RTN4R: variants seen among roughly 807,000 people sequenced by gnomAD.
The protein encoded by RTN4R is reticulon 4 receptor.
RTN4R carries 4 observed loss-of-function variants against 27.7 expected under a neutral mutation model. The observed-to-expected ratio is 0.14, with a 90% CI of 0.07 to 0.33. RTN4R has a LOEUF of 0.33. Among genes scored for constraint, RTN4R ranks in the 10% least tolerant of loss-of-function variants. RTN4R has a pLI of 1.00. For missense variants in RTN4R, 554 were observed against 671.5 expected (o/e 0.83, Z 1.93); for synonymous variants, 290 against 305.6 (o/e 0.95, Z 0.53).
intron 1 of RTN4R, among the ~76,000 whole-genome samples, chr22:20,256,699 G>C (rs765133171): frequency 1.3e-5 from 2 of 152,306 alleles, no homozygotes; most frequent in East Asian, 3.9e-4. Context: ...GCCATGCCCC[G>C]TCCCGCTCAC....
chr22:20,266,826 G>C (rs144589716), intron 1 of RTN4R, among the ~76,000 whole-genome samples: 1 of 152,242 alleles, frequency 6.6e-6, no homozygotes, highest in East Asian at 1.9e-4. Flanking sequence ...CTATGTGCCC[G>C]CAGGCACACA....
chr22:20,260,313 C>T (rs184531637), intron 1 of RTN4R, among the ~76,000 whole-genome samples: 2 of 152,260 alleles, frequency 1.3e-5, no homozygotes, highest in African/African-American at 4.8e-5. Flanking sequence ...CTGGGCAGGG[C>T]GTGACCGGCC....
intron 1 of RTN4R, among the ~76,000 whole-genome samples, chr22:20,260,518 C>T (rs928149398): frequency 6.6e-5 from 10 of 152,270 alleles, no homozygotes; most frequent in Non-Finnish European, 8.8e-5. Flanking sequence ...GCACATCCTG[C>T]GTGACCTTGG....
At chr22:20,267,329 G>A (rs374735551) in intron 1 of RTN4R, among the ~76,000 whole-genome samples, 1 of 151,574 alleles carries the variant, frequency 6.6e-6, no homozygotes, top group African/African-American at 2.4e-5. Flanking sequence ...CTCCAGGCGG[G>A]GCATGCCCAA....
rs956671360 is a variant in RTN4R at position 20,268,117 on chromosome 22, G to A, written c.-25C>T. ...TCGTAGGGGTTGGGCGGGGCGCGTC[G>A]GGGACTGAAAGTCGTTTCGGGGCGG... On this transcript the variant is annotated 5_prime_UTR_variant, in exon 1 of 2. Coordinates refer to ENST00000043402, the MANE Select transcript of RTN4R (RefSeq NM_023004.6). The A allele has an allele frequency of 8.6e-6, 10 of 1,162,404 alleles. No homozygotes were observed. In the Admixed American group the frequency reaches 1.8e-4, roughly 21 times the overall value. 72.0% of individuals were successfully genotyped at this position (1,162,404 alleles called of 1,614,324 possible).
At chr22:20,266,885 C>A (rs1297437434) in intron 1 of RTN4R, among the ~76,000 whole-genome samples, 2 of 152,252 alleles carry the variant, frequency 1.3e-5, no homozygotes, top group African/African-American at 2.4e-5. Context: ...GTTACACACA[C>A]GCACACAAGC....
Position 20,255,693 on chromosome 22 carries a change from AC to A in RTN4R, c.22+12377del, listed in dbSNP as rs2051208080. The stretch of plus-strand genomic sequence containing the variant: ...GAAGCCCCACCCCTGGATTCCCCTT[AC>A]CCCTGCCCGCTCCTGTCCCCTCCTT... On this transcript the variant is annotated intron_variant, in intron 1 of 1. Coordinates refer to ENST00000043402, the MANE Select transcript of RTN4R (RefSeq NM_023004.6). The surrounding 1 kb of genome is among the most constrained non-coding windows in gnomAD (Gnocchi z 4.8). Among the ~76,000 whole-genome samples the A allele has an allele frequency of 1.3e-5, 2 of 149,290 alleles. No homozygotes were observed. The highest frequency in any genetic ancestry group is 4.3e-4 in the South Asian group (2 of 4,700).
At chr22:20,249,135 GT>G (rs761211895) in intron 1 of RTN4R, 1 of 534,362 alleles carries the variant, frequency 1.9e-6, no homozygotes, top group Non-Finnish European at 3.8e-6. Flanking sequence ...GGAGAATCCT[GT>G]CTCCACCAAG....
chr22:20,243,034 G>A lies in RTN4R; in HGVS notation c.99C>T (p.Cys33=), dbSNP rs1162260253. The part of the protein sequence containing the change: ...VAAPCPGACV[C]YNEPKVTTSC... ...TTGTCGTCACCTTGGGCTCATTGTA[G>A]CATACGCAGGCACCTGGGCATGGGG... Residue 33 remains cysteine (C), a synonymous_variant, in exon 2 of 2, where the codon TGC becomes TGT. Transcript: ENST00000043402. 6.2e-7 allele frequency: 1 copy of A among 1,603,940 alleles called. No individual in the cohort carries two copies. Among genetic ancestry groups the A allele is most frequent in the Admixed American group, 1.7e-5 (1 of 60,018 alleles).
At chr22:20,243,777 G>T (rs1479122904) in intron 1 of RTN4R, 2 of 313,314 alleles carry the variant, frequency 6.4e-6, no homozygotes, top group East Asian at 2.3e-4. Flanking sequence ...TCCCTGGGAG[G>T]AGTTCACTCC....
chr22:20,267,414 G>T (rs1445862046), intron 1 of RTN4R, among the ~76,000 whole-genome samples: 2 of 152,190 alleles, frequency 1.3e-5, no homozygotes, highest in Non-Finnish European at 2.9e-5. Context: ...TCCCACGAGG[G>T]CTGCTAGGGA....
chr22:20,249,210 C>T (rs1215128099), intron 1 of RTN4R: 9 of 533,962 alleles, frequency 1.7e-5, no homozygotes, highest in South Asian at 1.3e-4. Flanking sequence ...CCCCAGAGGA[C>T]ACTAATGAGC....
intron 1 of RTN4R, among the ~76,000 whole-genome samples, chr22:20,261,868 G>C (rs1264425961): frequency 6.6e-6 from 1 of 152,254 alleles, no homozygotes; most frequent in African/African-American, 2.4e-5. Context: ...GGATGGAAAA[G>C]AAGGTTCCTA....
intron 1 of RTN4R, among the ~76,000 whole-genome samples, chr22:20,264,937 C>T (rs922871950): frequency 2.0e-5 from 3 of 152,264 alleles, no homozygotes; most frequent in East Asian, 1.9e-4. Context: ...CCGGGCGGGG[C>T]GCCTGGCTCA....
chr22:20,265,969 A>G (rs1244993845), intron 1 of RTN4R, among the ~76,000 whole-genome samples: 1 of 152,250 alleles, frequency 6.6e-6, no homozygotes, highest in African/African-American at 2.4e-5. Context: ...CACCGCCAGC[A>G]GGTGGCTGAG....
At chr22:20,257,804 T>C (rs985746175) in intron 1 of RTN4R, among the ~76,000 whole-genome samples, 2 of 152,150 alleles carry the variant, frequency 1.3e-5, no homozygotes, top group African/African-American at 4.8e-5. Flanking sequence ...GAAGGGTGGG[T>C]GAGTCCGTCT....
chr22:20,260,908 G>T (rs2051242507), intron 1 of RTN4R, among the ~76,000 whole-genome samples: 1 of 152,030 alleles, frequency 6.6e-6, no homozygotes, highest in Admixed American at 6.6e-5. Context: ...TTCTCCACAT[G>T]CACCCAGCCT....
chr22:20,258,610 G>T (rs972342129), intron 1 of RTN4R, among the ~76,000 whole-genome samples: 2 of 150,458 alleles, frequency 1.3e-5, no homozygotes, highest in African/African-American at 5.0e-5. Context: ...AGTGAGCCAC[G>T]GGGGGCTATG....
chr22:20,255,803 C>T lies in RTN4R; in HGVS notation c.22+12268G>A, dbSNP rs939328253. ...TGTGCGGTCAACACCCAGCAGGGGTCGCCTAGCACTGGGGTGGGTGTGCAG... is the reference window on the plus strand; with the variant it reads ...TGTGCGGTCAACACCCAGCAGGGGTTGCCTAGCACTGGGGTGGGTGTGCAG... On this transcript the variant is annotated intron_variant, in intron 1 of 1. Coordinates refer to ENST00000043402, the MANE Select transcript of RTN4R (RefSeq NM_023004.6). The surrounding 1 kb of genome is among the most constrained non-coding windows in gnomAD (Gnocchi z 4.8). Among the ~76,000 whole-genome samples, 24 of 152,192 alleles carry T rather than the reference C, an allele frequency of 1.6e-4. No homozygotes were observed. Among genetic ancestry groups the T allele is most frequent in the African/African-American group, 4.6e-4 (19 of 41,446 alleles).
Sources: gnomAD v4.1 joint callset for allele counts (sites outside exome capture counted in the v4.1 genomes callset) on GRCh38, gnomAD v4.1.1 for gene constraint, Gnocchi (gnomAD v3.1) non-coding constraint, MANE v1.5 for transcripts, NCBI Gene and HGNC (gene_info 2026-07-23, HGNC 2026-07-21) for gene names.